The following SMAD3 variants were observed in gnomAD, a reference collection of about 807,000 sequenced individuals.
The protein encoded by SMAD3 is SMAD family member 3, also known as MAD homolog 3.
Under a neutral mutation model 51.8 loss-of-function variants are expected in SMAD3, and 12 were observed. The observed-to-expected ratio is 0.23, with a 90% CI of 0.15 to 0.38. The LOEUF (loss-of-function observed/expected upper bound fraction) is 0.38, where lower values mean the gene tolerates loss of function less well. Ranked by LOEUF, SMAD3 falls within the 10% of genes least tolerant of loss-of-function variation. The probability of loss-of-function intolerance (pLI) is 1.00; values close to 1 mark genes in which losing one functional copy is unlikely to be tolerated. For synonymous variants in SMAD3, 238 were observed against 227.7 expected (o/e 1.05, Z -0.41); for missense variants, 294 against 565.6 (o/e 0.52, Z 4.87).
chr15:67,088,883 C>T (rs1232879120), intron 1 of SMAD3, among the ~76,000 whole-genome samples: 3 of 152,132 alleles, frequency 2.0e-5, no homozygotes, highest in Admixed American at 6.5e-5. Flanking sequence ...GCTGAGATCA[C>T]GCCACTGCAC....
rs1961049094 is a variant in SMAD3, at chr15:67,112,918, T to C, written c.206+46558T>C. On this transcript the variant is annotated intron_variant, in intron 1 of 8. Transcript: ENST00000327367. Reference sequence around the variant, plus strand: ...AGAATGTGCTTTCCCCAGTGAATTGTCTTGGCACCCTTGTAGAAAATCATT... The same window carrying C: ...AGAATGTGCTTTCCCCAGTGAATTGCCTTGGCACCCTTGTAGAAAATCATT... Among the ~76,000 whole-genome samples, 2 of 130,780 alleles carry C rather than the reference T, an allele frequency of 1.5e-5. 1 individual carries two copies. Among genetic ancestry groups the C allele is most frequent in the Admixed American group, 1.7e-4 (2 of 11,804 alleles). 85.8% of individuals were successfully genotyped at this position (130,780 alleles called of 152,430 possible).
intron 2 of SMAD3, 30 bp downstream of exon 2, chr15:67,165,118 G>A: frequency 6.2e-7 from 1 of 1,612,714 alleles, no homozygotes. Context: ...TGTGGGGACA[G>A]CAGGTGCCAG....
chr15:67,180,712 C>G (rs1963028355), intron 5 of SMAD3, among the ~76,000 whole-genome samples: 1 of 151,904 alleles, frequency 6.6e-6, no homozygotes, highest in Admixed American at 6.6e-5. Flanking sequence ...TTTTTGCCCC[C>G]AAGGCTGTGC....
At chr15:67,103,389 C>T (rs577132388) in intron 1 of SMAD3, among the ~76,000 whole-genome samples, 1 of 152,276 alleles carries the variant, frequency 6.6e-6, no homozygotes, top group South Asian at 2.1e-4. Flanking sequence ...GCATGATGAT[C>T]AGGAGAGAGT....
chr15:67,172,003 C>T (rs1197721334), intron 5 of SMAD3, among the ~76,000 whole-genome samples: 1 of 152,188 alleles, frequency 6.6e-6, no homozygotes, highest in African/African-American at 2.4e-5. Context: ...TAGTCAACAG[C>T]CTTCCAAGCA....
At chr15:67,144,391 T>A (rs1961919475) in intron 1 of SMAD3, among the ~76,000 whole-genome samples, 1 of 152,206 alleles carries the variant, frequency 6.6e-6, no homozygotes, top group Non-Finnish European at 1.5e-5. Context: ...TTGTTGATCT[T>A]CAGGGATTAT....
chr15:67,164,571 A>G (rs1201809313), intron 1 of SMAD3, among the ~76,000 whole-genome samples: 1 of 152,162 alleles, frequency 6.6e-6, no homozygotes, highest in East Asian at 1.9e-4. Context: ...ACCTTTTCCA[A>G]GCACAACTGA....
At chr15:67,104,753 C>A (rs1960839462) in intron 1 of SMAD3, among the ~76,000 whole-genome samples, 2 of 152,260 alleles carry the variant, frequency 1.3e-5, no homozygotes, top group African/African-American at 4.8e-5. Context: ...CCTCTGTGGG[C>A]TTTGCCCACC....
intron 1 of SMAD3, among the ~76,000 whole-genome samples, chr15:67,163,675 C>T (rs564133948): frequency 6.6e-6 from 1 of 152,182 alleles, no homozygotes; most frequent in African/African-American, 2.4e-5. Flanking sequence ...ACCTCTGCTG[C>T]TGGTCAGGGA....
intron 1 of SMAD3, among the ~76,000 whole-genome samples, chr15:67,086,890 TCTC>T (rs1960405278): frequency 1.5e-5 from 2 of 133,494 alleles, no homozygotes; most frequent in African/African-American, 5.5e-5. Context: ...TTGCATATCT[TCTC>T]CTTTTTTTTT....
Position 67,119,087 on chromosome 15 carries a change from TATGAGCGTAGA to T in SMAD3, c.207-45802_207-45792del, listed in dbSNP as rs536364167. On this transcript the variant is annotated intron_variant, in intron 1 of 8. Coordinates refer to ENST00000327367, the MANE Select transcript of SMAD3 (RefSeq NM_005902.4). Reference sequence around the variant, plus strand: ...ATGGATGAGGCCGGGCTGGGGAGGATATGAGCGTAGAATGAGAAGGTCCAGACCTGCACCTG... The same window carrying T: ...ATGGATGAGGCCGGGCTGGGGAGGATATGAGAAGGTCCAGACCTGCACCTG... Among the ~76,000 whole-genome samples, 801 of 152,018 alleles carry T rather than the reference TATGAGCGTAGA, an allele frequency of 5.3e-3. 5 individuals carry two copies. Among genetic ancestry groups the T allele is most frequent in the African/African-American group, 0.018 (758 of 41,452 alleles).
At position 67,147,972 on chromosome 15, in the gene SMAD3, TG is replaced by T. The variant is rs575316245; in HGVS notation, c.207-16922del. On this transcript the variant is annotated intron_variant, in intron 1 of 8. Coordinates refer to ENST00000327367, the MANE Select transcript of SMAD3 (RefSeq NM_005902.4). ...CTGAAGTTTTCTCTCTCATCCTTTC[TG>T]TTTGTTGCTCCATGTACAGTAGGGA... Among the ~76,000 whole-genome samples the T allele has an allele frequency of 5.9e-5, 9 of 152,352 alleles. No individual in the cohort carries two copies. The East Asian group carries it at 1.7e-3, about 29-fold the overall frequency.
At chr15:67,178,392 AC>A (rs1230584041) in intron 5 of SMAD3, among the ~76,000 whole-genome samples, 1 of 151,926 alleles carries the variant, frequency 6.6e-6, no homozygotes, top group Admixed American at 6.6e-5. Flanking sequence ...TGGGGTGAGG[AC>A]CCTGTTCTGT....
chr15:67,084,210 G>C (rs961818731), intron 1 of SMAD3, among the ~76,000 whole-genome samples: 1 of 151,358 alleles, frequency 6.6e-6, no homozygotes, highest in Non-Finnish European at 1.5e-5. Context: ...CGAGTAGCTG[G>C]CACTACAGGC....
chr15:67,071,578 G>A (rs974213343), intron 1 of SMAD3, among the ~76,000 whole-genome samples: 2 of 152,120 alleles, frequency 1.3e-5, no homozygotes, highest in African/African-American at 4.8e-5. Flanking sequence ...TTGGGAGGCC[G>A]AGGCAGGCGG....
chr15:67,066,496 A>G, intron 1 of SMAD3, 136 bp downstream of exon 1: 1 of 723,360 alleles, frequency 1.4e-6, no homozygotes, highest in Non-Finnish European at 2.3e-6. Flanking sequence ...CGTGTGTGTG[A>G]GAGTGGGAGA....
intron 1 of SMAD3, among the ~76,000 whole-genome samples, chr15:67,091,606 G>A (rs943831324): frequency 2.6e-5 from 4 of 152,162 alleles, no homozygotes; most frequent in African/African-American, 4.8e-5. Context: ...CCTTTTTCAC[G>A]TAAAGACTCA....
chr15:67,123,203 A>T (rs1329419827), intron 1 of SMAD3, among the ~76,000 whole-genome samples: 1 of 151,476 alleles, frequency 6.6e-6, no homozygotes, highest in African/African-American at 2.4e-5. Flanking sequence ...AAAAAAAAAA[A>T]AAAAAAAATC....
intron 1 of SMAD3, among the ~76,000 whole-genome samples, chr15:67,074,173 G>A (rs946782126): frequency 1.3e-5 from 2 of 152,210 alleles, no homozygotes; most frequent in Admixed American, 1.3e-4. Flanking sequence ...TACTCTGTGA[G>A]TCTAAATCAG....
Sources: allele counts gnomAD v4.1 joint callset (sites outside exome capture counted in the v4.1 genomes callset), GRCh38; gene constraint gnomAD v4.1.1; transcripts MANE v1.5; gene names NCBI Gene and HGNC (gene_info 2026-07-23, HGNC 2026-07-21).